The following REC114 variants were observed in gnomAD, a reference collection of about 807,000 sequenced individuals.
REC114 encodes the protein REC114 meiotic recombination protein, also known as meiotic recombination protein REC114.
REC114 carries 27 observed loss-of-function variants against 31.3 expected under a neutral mutation model. That is an observed-to-expected ratio of 0.86 (90% CI 0.64 to 1.19). REC114 has a LOEUF of 1.19. Ranked by LOEUF, REC114 falls within the 50% of genes most tolerant of loss-of-function variation. The probability of loss-of-function intolerance (pLI) is 0.00; values close to 1 mark genes in which losing one functional copy is unlikely to be tolerated. For synonymous variants in REC114, 134 were observed against 127.7 expected, an observed-to-expected ratio of 1.05 and a Z score of -0.33; for missense variants, 344 against 326.9, an observed-to-expected ratio of 1.05 and a Z score of -0.40.
At chr15:73,509,576 T>G (rs1478979811) in intron 2 of REC114, among the ~76,000 whole-genome samples, 2 of 148,260 alleles carry the variant, frequency 1.3e-5, no homozygotes, top group African/African-American at 5.0e-5. Flanking sequence ...TGGTTTTAGG[T>G]CTAACGTTTA....
intron 2 of REC114, among the ~76,000 whole-genome samples, chr15:73,532,084 C>T (rs1417993358): frequency 2.0e-5 from 3 of 151,002 alleles, no homozygotes; most frequent in African/African-American, 7.3e-5. Context: ...GCTGCACCCA[C>T]TAACTCGTCA....
In REC114 at chr15:73,475,265, C is replaced by T. The variant is rs75718920; in HGVS notation, c.249+1344C>T. On this transcript the variant is annotated intron_variant, in intron 2 of 5. Coordinates refer to ENST00000331090, the MANE Select transcript of REC114 (RefSeq NM_001042367.2). The stretch of plus-strand genomic sequence containing the variant: ...CATAGAATGATTTTTGCACTGTAGT[C>T]ACAAAACCAAGTTATCAAATTCCAA... Among the ~76,000 whole-genome samples the T allele has an allele frequency of 4.4e-4, 67 of 152,272 alleles. 1 individual carries two copies. The East Asian group carries it at 0.012, about 27-fold the overall frequency.
At chr15:73,487,038 C>T (rs1893381068) in intron 2 of REC114, among the ~76,000 whole-genome samples, 1 of 152,002 alleles carries the variant, frequency 6.6e-6, no homozygotes, top group South Asian at 2.1e-4. Flanking sequence ...AAAAAATACT[C>T]TATTCCCTGA....
rs141405618 is a variant in REC114, at chr15:73,478,295, G to A, written c.249+4374G>A. 7.7e-3 allele frequency among the ~76,000 whole-genome samples: 1,157 copies of A among 149,932 alleles called. 8 individuals are homozygous for A. The highest frequency in any genetic ancestry group is 0.013 in the Non-Finnish European group (846 of 67,570). ...AAAAAAAAAAAAAAAAAAGAATTTG[G>A]GTTTATTTTTTGCACGTGGATATCG... On this transcript the variant is annotated intron_variant, in intron 2 of 5. Coordinates refer to ENST00000331090, the MANE Select transcript of REC114 (RefSeq NM_001042367.2).
At chr15:73,522,942 T>C (rs1053659387) in intron 2 of REC114, among the ~76,000 whole-genome samples, 12 of 152,324 alleles carry the variant, frequency 7.9e-5, no homozygotes, top group Non-Finnish European at 1.5e-4. Context: ...CAAGACTTGC[T>C]ATTGTCAGTC....
At chr15:73,555,324 C>T (rs767067492) in intron 4 of REC114, among the ~76,000 whole-genome samples, 15 of 152,152 alleles carry the variant, frequency 9.9e-5, no homozygotes, top group Non-Finnish European at 1.3e-4. Context: ...AGCACTGCAG[C>T]AACCTCAGGT....
rs796717399 is a variant in REC114 at position 73,513,446 on chromosome 15, G to T, written c.250-27039G>T. On this transcript the variant is annotated intron_variant, in intron 2 of 5. Transcript: ENST00000331090. ...GTCTGAAGCCTTCTTCTCTCAGCTC[G>T]TCAAAGTCATTCTCCATCCAGCTTT... Among the ~76,000 whole-genome samples, 276 of 148,576 alleles carry T rather than the reference G, an allele frequency of 1.9e-3. 1 individual carries two copies. Among genetic ancestry groups the T allele is most frequent in the Middle Eastern group, 0.014 (4 of 280 alleles).
intron 4 of REC114, among the ~76,000 whole-genome samples, chr15:73,553,182 A>G (rs534141322): frequency 3.9e-5 from 6 of 152,310 alleles, no homozygotes; most frequent in African/African-American, 1.4e-4. Flanking sequence ...TTATTATACA[A>G]TCTTTTTCTT....
chr15:73,492,571 C>T (rs543984086), intron 2 of REC114, among the ~76,000 whole-genome samples: 18 of 152,116 alleles, frequency 1.2e-4, no homozygotes, highest in Non-Finnish European at 2.4e-4. Context: ...TATCTGGGCT[C>T]TTATTAAAAT....
At chr15:73,490,359 C>T (rs574946175) in intron 2 of REC114, among the ~76,000 whole-genome samples, 25 of 152,070 alleles carry the variant, frequency 1.6e-4, no homozygotes, top group Non-Finnish European at 3.5e-4. Context: ...AATAGTTTTG[C>T]GTGGTTTGTC....
chr15:73,545,585 T>A (rs1263260275), intron 3 of REC114, among the ~76,000 whole-genome samples: 1 of 152,212 alleles, frequency 6.6e-6, no homozygotes, highest in African/African-American at 2.4e-5. Flanking sequence ...CTAAAATTTT[T>A]ACAGAAGCAA....
intron 2 of REC114, among the ~76,000 whole-genome samples, chr15:73,490,711 A>G (rs1010333233): frequency 2.6e-5 from 4 of 152,148 alleles, no homozygotes; most frequent in African/African-American, 9.7e-5. Context: ...TAAAGAATGT[A>G]TATATATAAT....
rs569803450 is a variant in REC114 at position 73,489,860 on chromosome 15, T to C, written c.249+15939T>C. ...ACTCTAACAACAGTGGTGGTTTATCTGTGCCAATCTCATGTCTGATGCCAA... is the reference window on the plus strand; with the variant it reads ...ACTCTAACAACAGTGGTGGTTTATCCGTGCCAATCTCATGTCTGATGCCAA... On this transcript the variant is annotated intron_variant, in intron 2 of 5. Transcript: ENST00000331090. Among the ~76,000 whole-genome samples, 5 of 152,326 alleles carry C rather than the reference T, an allele frequency of 3.3e-5. No homozygotes were observed. The South Asian group carries it at 1.0e-3, about 32-fold the overall frequency.
intron 1 of REC114, among the ~76,000 whole-genome samples, chr15:73,461,516 G>A (rs1892986830): frequency 6.6e-6 from 1 of 152,050 alleles, no homozygotes; most frequent in Non-Finnish European, 1.5e-5. Flanking sequence ...ATATAATTTA[G>A]GGTAAGCACA....
chr15:73,468,543 C>T (rs1022883956), intron 1 of REC114, among the ~76,000 whole-genome samples: 3 of 152,010 alleles, frequency 2.0e-5, no homozygotes, highest in Non-Finnish European at 4.4e-5. Context: ...AATCTGGATG[C>T]TTTTTCATTC....
intron 1 of REC114, among the ~76,000 whole-genome samples, chr15:73,470,753 A>G (rs1389362572): frequency 6.6e-6 from 1 of 152,176 alleles, no homozygotes; most frequent in Non-Finnish European, 1.5e-5. Flanking sequence ...TTTAGATAAC[A>G]TGGGGGAGTT....
chr15:73,504,197 G>A, intron 2 of REC114, among the ~76,000 whole-genome samples: 1 of 151,706 alleles, frequency 6.6e-6, no homozygotes, highest in East Asian at 1.9e-4. Context: ...AGTAGAGACG[G>A]GGTTTCACCA....
intron 2 of REC114, among the ~76,000 whole-genome samples, chr15:73,476,581 C>G (rs1053640562): frequency 6.6e-6 from 1 of 152,134 alleles, no homozygotes; most frequent in Non-Finnish European, 1.5e-5. Context: ...TTAACATATG[C>G]ATTACCTCAC....
chr15:73,444,935 G>C (rs1305553803), intron 1 of REC114, among the ~76,000 whole-genome samples: 2 of 152,164 alleles, frequency 1.3e-5, no homozygotes, highest in African/African-American at 4.8e-5. Flanking sequence ...CTCTAACCAA[G>C]CTCTTGGGTG....
Sources: allele counts gnomAD v4.1 joint callset (sites outside exome capture counted in the v4.1 genomes callset), GRCh38; gene constraint gnomAD v4.1.1; transcripts MANE v1.5; gene names NCBI Gene and HGNC (gene_info 2026-07-23, HGNC 2026-07-21).